ARHGEF4: variants seen among roughly 807,000 people sequenced by gnomAD.
ARHGEF4 encodes the protein APC-stimulated guanine nucleotide exchange factor 1.
A neutral mutation model predicts 162.0 loss-of-function variants in ARHGEF4; 119 were observed. The ratio of observed to expected loss-of-function variants is 0.73; its 90% confidence interval spans 0.63 to 0.86. The LOEUF (loss-of-function observed/expected upper bound fraction) is 0.86. Among genes scored for constraint, ARHGEF4 ranks in the 40% least tolerant of loss-of-function variants. The pLI, the probability that ARHGEF4 is intolerant of heterozygous loss-of-function variation, is 0.00. For synonymous variants in ARHGEF4, 1,014 were observed against 979.9 expected (o/e 1.03, Z -0.65); for missense variants, 2,488 against 2,456.0 (o/e 1.01, Z -0.28).
intron 1 of ARHGEF4, among the ~76,000 whole-genome samples, chr2:130,856,784 C>T (rs1326340118): frequency 6.6e-6 from 1 of 151,608 alleles, no homozygotes; most frequent in Non-Finnish European, 1.5e-5. Context: ...GCACATGTAC[C>T]CTAAAACTTA....
intron 3 of ARHGEF4, among the ~76,000 whole-genome samples, chr2:130,942,565 T>TA (rs1299058515): frequency 6.6e-6 from 1 of 152,112 alleles, no homozygotes. Context: ...AAGAAGCAAG[T>TA]AATAATATGG....
chr2:130,980,719 A>G (rs1048667282), intron 4 of ARHGEF4, among the ~76,000 whole-genome samples: 1 of 152,240 alleles, frequency 6.6e-6, no homozygotes, highest in Non-Finnish European at 1.5e-5. Context: ...TTTCAGGTAC[A>G]TACATGAAGG....
intron 4 of ARHGEF4, among the ~76,000 whole-genome samples, chr2:130,958,091 A>T (rs992785384): frequency 1.3e-5 from 2 of 151,766 alleles, no homozygotes; most frequent in Admixed American, 6.6e-5. Flanking sequence ...GAAGGAAGTC[A>T]CCCCGGCTCA....
chr2:130,891,648 G>A (rs1000997266), intron 1 of ARHGEF4, among the ~76,000 whole-genome samples: 7 of 152,162 alleles, frequency 4.6e-5, no homozygotes, highest in South Asian at 2.1e-4. Context: ...GCAGACGGCC[G>A]CCTTCTGATT....
chr2:131,038,759 C>T, intron 5 of ARHGEF4, 94 bp from the exon 6 acceptor site: 1 of 1,407,242 alleles, frequency 7.1e-7, no homozygotes, highest in Non-Finnish European at 9.5e-7. Context: ...TCAGGATCCC[C>T]TCTTCCCAGG....
At chr2:130,990,214 CCATTT>C (rs1209740667) in intron 4 of ARHGEF4, among the ~76,000 whole-genome samples, 1 of 152,118 alleles carries the variant, frequency 6.6e-6, no homozygotes, top group Non-Finnish European at 1.5e-5. Flanking sequence ...GAACTCAATT[CCATTT>C]CTCTTTTTAA....
At chr2:130,937,902 C>T (rs1203686628) in intron 3 of ARHGEF4, among the ~76,000 whole-genome samples, 4 of 152,010 alleles carry the variant, frequency 2.6e-5, no homozygotes, top group Admixed American at 1.3e-4. Flanking sequence ...CTCCTGACCT[C>T]GTGATCTGGC....
At chr2:130,848,831 G>A (rs192757984) in intron 1 of ARHGEF4, among the ~76,000 whole-genome samples, 7 of 152,326 alleles carry the variant, frequency 4.6e-5, no homozygotes, top group East Asian at 1.9e-4. Context: ...CCTGGGTGGC[G>A]CAGTGAGGCT....
rs779805768 is a variant in ARHGEF4 at position 130,914,171 on chromosome 2, T to C, written c.225T>C (p.Ser75=). 6.5e-7 allele frequency: 1 copy of C among 1,536,034 alleles called. No homozygotes were observed. Among genetic ancestry groups the C allele is most frequent in the African/African-American group, 1.4e-5 (1 of 73,062 alleles). ...DTKTDPFESA[S]DTESLSGYLP... ...AAACTGACCCCTTTGAAAGTGCCTC[T>C]GACACAGAGTCCTTGTCTGGGTACC... Residue 75 remains serine (S), a synonymous_variant, in exon 2 of 14, where the codon TCT becomes TCC. Transcript: ENST00000409359.
At chr2:130,972,105 G>C (rs1323970354) in intron 4 of ARHGEF4, among the ~76,000 whole-genome samples, 1 of 152,186 alleles carries the variant, frequency 6.6e-6, no homozygotes, top group Admixed American at 6.5e-5. Context: ...TCCAGGCAAG[G>C]CCTCGGGTTG....
intron 1 of ARHGEF4, among the ~76,000 whole-genome samples, chr2:130,848,273 G>A (rs887651583): frequency 1.3e-5 from 2 of 152,184 alleles, no homozygotes; most frequent in African/African-American, 2.4e-5. Context: ...CCAGGATCGC[G>A]TCTGAACCAC....
chr2:130,919,527 TAAATC>T (rs1014584651), intron 2 of ARHGEF4, among the ~76,000 whole-genome samples: 1 of 152,338 alleles, frequency 6.6e-6, no homozygotes, highest in East Asian at 1.9e-4. Context: ...AACTCAGAGT[TAAATC>T]AAGTAGTCAA....
intron 4 of ARHGEF4, among the ~76,000 whole-genome samples, chr2:130,997,945 A>C (rs1268743794): frequency 6.6e-6 from 1 of 151,774 alleles, no homozygotes; most frequent in Non-Finnish European, 1.5e-5. Context: ...CCCCAGGAGC[A>C]GAGCTTCGTA....
intron 4 of ARHGEF4, among the ~76,000 whole-genome samples, chr2:131,013,861 A>G (rs542968922): frequency 1.3e-5 from 2 of 152,328 alleles, no homozygotes; most frequent in Admixed American, 6.5e-5. Context: ...TCTGCCTCCC[A>G]AAGTGCTGAG....
intron 1 of ARHGEF4, among the ~76,000 whole-genome samples, chr2:130,850,548 C>A (rs545661621): frequency 5.3e-5 from 8 of 152,252 alleles, no homozygotes; most frequent in Non-Finnish European, 1.0e-4. Flanking sequence ...ACACCTCCCC[C>A]CTGCAAGGAC....
intron 5 of ARHGEF4, among the ~76,000 whole-genome samples, chr2:131,032,362 C>T (rs188463090): frequency 2.0e-5 from 3 of 152,086 alleles, no homozygotes; most frequent in African/African-American, 7.2e-5. Flanking sequence ...CACTCTGACT[C>T]GCTCCAGGTG....
At chr2:131,045,901 CAAG>C in intron 13 of ARHGEF4, 134 bp from the exon 14 acceptor site, 1 of 1,493,924 alleles carries the variant, frequency 6.7e-7, no homozygotes, top group South Asian at 1.4e-5. Context: ...TCTCCAGGAG[CAAG>C]TCCTGTGTGG....
rs1357873958 is a variant in ARHGEF4, at chr2:131,046,977, T to C, written c.*788T>C. 6.6e-6 allele frequency: 1 copy of C among 152,594 alleles called. No homozygotes were observed. The highest frequency in any genetic ancestry group is 1.9e-4 in the East Asian group (1 of 5,192). The allele number at this position is 152,594 out of a possible 1,614,324, so 9.5% of individuals were successfully genotyped here. A position where few individuals can be genotyped will look rare whatever the true frequency, so the allele number is the denominator to read the frequency against. The stretch of plus-strand genomic sequence containing the variant: ...ACAATGGAGAAAAAGAATTGATTCT[T>C]AGTGACACAGAAGATTGCCTTACGC... On this transcript the variant is annotated 3_prime_UTR_variant, in exon 14 of 14. Transcript: ENST00000409359.
chr2:130,868,058 T>TGGG (rs1451884682), intron 1 of ARHGEF4, among the ~76,000 whole-genome samples: 1 of 151,124 alleles, frequency 6.6e-6, no homozygotes, highest in Non-Finnish European at 1.5e-5. Context: ...CCTGAGTAGC[T>TGGG]GGGACTACAG....
Sources: gnomAD v4.1 joint callset for allele counts (sites outside exome capture counted in the v4.1 genomes callset) on GRCh38, gnomAD v4.1.1 for gene constraint, MANE v1.5 for transcripts, NCBI Gene and HGNC (gene_info 2026-07-23, HGNC 2026-07-21) for gene names.